The following WDR4 variants were observed in gnomAD, a reference collection of about 807,000 sequenced individuals.
WDR4 encodes the protein WDR4 tRNA N7-guanosine methyltransferase non-catalytic subunit, also known as tRNA (guanine-N(7)-)-methyltransferase non-catalytic subunit WDR4.
A neutral mutation model predicts 48.6 loss-of-function variants in WDR4; 47 were observed. The observed-to-expected ratio is 0.97, with a 90% CI of 0.77 to 1.23. The LOEUF is 1.23. Ranked by LOEUF, WDR4 falls within the 50% of genes most tolerant of loss-of-function variation. WDR4 has a pLI of 0.00. For missense variants in WDR4, 606 were observed against 551.6 expected, an observed-to-expected ratio of 1.10 and a Z score of -0.99; for synonymous variants, 268 against 230.0, an observed-to-expected ratio of 1.17 and a Z score of -1.49.
chr21:42,863,500 C>A lies in WDR4; in HGVS notation c.393G>T (p.Val131=). The A allele has an allele frequency of 6.2e-7, 1 of 1,614,084 alleles. No individual in the cohort carries two copies. The highest frequency in any genetic ancestry group is 2.2e-5 in the East Asian group (1 of 44,852). ...DKSGDVYSFS[V]LEPHGCGRLE... ...GACGGCCACACCCGTGTGGCTCCAG[C>A]ACCGAAAAGGAGTAGACGTCTCCAG... The change falls in exon 4 of 11, where the codon GTG becomes GTT. Residue 131 remains valine (V), a synonymous_variant. Coordinates refer to ENST00000398208, the MANE Select transcript of WDR4 (RefSeq NM_018669.6).
chr21:42,868,809 C>T (rs2058306965), intron 3 of WDR4, among the ~76,000 whole-genome samples: 1 of 152,240 alleles, frequency 6.6e-6, no homozygotes, highest in South Asian at 2.1e-4. Flanking sequence ...GAAGCTTCGC[C>T]GTGTCTGTTG....
chr21:42,872,931 C>G (rs1252883561), intron 3 of WDR4, among the ~76,000 whole-genome samples: 1 of 152,052 alleles, frequency 6.6e-6, no homozygotes, highest in Non-Finnish European at 1.5e-5. Context: ...AAGCAAAACT[C>G]CGTCTCAAAA....
the WDR4 span, among the ~76,000 whole-genome samples, chr21:42,892,221 G>A: frequency 1.6e-4 from 23 of 146,002 alleles, no homozygotes; most frequent in African/African-American, 5.9e-4. Flanking sequence ...GCCACTGCAC[G>A]CCAGCCTGGG....
At chr21:42,874,255 T>C (rs1219387585) in intron 2 of WDR4, among the ~76,000 whole-genome samples, 2 of 152,256 alleles carry the variant, frequency 1.3e-5, no homozygotes, top group African/African-American at 4.8e-5. Flanking sequence ...TAGACACTTA[T>C]CACTTCCCCA....
intron 8 of WDR4, among the ~76,000 whole-genome samples, 173 bp downstream of exon 8, chr21:42,854,389 A>AC (rs1226875677): frequency 1.3e-5 from 2 of 152,156 alleles, no homozygotes; most frequent in Non-Finnish European, 2.9e-5. Context: ...AGGAGCCCTC[A>AC]CCCTCATGCA....
At chr21:42,888,560 CAATA>C in the WDR4 span, among the ~76,000 whole-genome samples, 1 of 150,732 alleles carries the variant, frequency 6.6e-6, no homozygotes, top group Non-Finnish European at 1.5e-5. Flanking sequence ...ACCCTGTCTC[CAATA>C]AATAAATAAA....
In WDR4 at chr21:42,863,523, C is replaced by T; in HGVS notation, c.370G>A (p.Gly124Arg). ...AGCACCGAAAAGGAGTAGACGTCTC[C>T]AGACTTGTCGGCCACCAAGACCTTC... ...EEKVLVADKS[G>R]DVYSFSVLEP... The change falls in exon 4 of 11, where the codon GGA becomes AGA. Residue 124 changes from glycine (G) to arginine (R), a missense_variant. Coordinates refer to ENST00000398208, the MANE Select transcript of WDR4 (RefSeq NM_018669.6). 6.2e-7 allele frequency: 1 copy of T among 1,614,062 alleles called. No homozygotes were observed. The highest frequency in any genetic ancestry group is 8.5e-7 in the Non-Finnish European group (1 of 1,180,008).
upstream of WDR4, among the ~76,000 whole-genome samples, chr21:42,884,412 GC>G (rs2146131979): frequency 6.6e-6 from 1 of 152,088 alleles, no homozygotes; most frequent in African/African-American, 2.4e-5. Context: ...ACTTTGGGAG[GC>G]CGAGGTGGGT....
intron 10 of WDR4, among the ~76,000 whole-genome samples, 170 bp from the exon 11 acceptor site, chr21:42,850,412 AC>A (rs2057794742): frequency 6.6e-6 from 1 of 152,186 alleles, no homozygotes; most frequent in Admixed American, 6.5e-5. Flanking sequence ...CCTGGGACCC[AC>A]ACCCTGGCTG....
chr21:42,879,634 T>G, upstream of WDR4: 2 of 1,085,678 alleles, frequency 1.8e-6, no homozygotes, highest in Non-Finnish European at 2.6e-6. Context: ...CGAGCCTGCC[T>G]TGAGCATGCG....
chr21:42,879,430 G>C lies in WDR4; in HGVS notation c.66C>G (p.Phe22Leu). 5 of 1,613,828 alleles carry C rather than the reference G, an allele frequency of 3.1e-6. No individual in the cohort carries two copies. The African/African-American group carries it at 5.3e-5, about 17-fold the overall frequency. Reference protein sequence around the residue: ...QTLVVRGGSRFLATSIASSDD... With the variant: ...QTLVVRGGSRLLATSIASSDD... ...ACCTGCTTGCTATGGAGGTGGCCAG[G>C]AATCGGCTGCCGCCCCGCACCACCA... Residue 22 changes from phenylalanine to leucine, a missense_variant, in exon 1 of 11, where the codon TTC (phenylalanine) becomes TTG (leucine). Physicochemically the swap from Phe to Leu is conservative, Grantham distance 22. Transcript: ENST00000398208.
At chr21:42,853,788 T>C in intron 8 of WDR4, 36 bp from the exon 9 acceptor site, 1 of 1,532,572 alleles carries the variant, frequency 6.5e-7, no homozygotes, top group Non-Finnish European at 8.8e-7. Context: ...TTACTAGGAC[T>C]GCAGGCCCAC....
intron 9 of WDR4, 85 bp from the exon 10 acceptor site, chr21:42,852,409 A>C (rs2057857481): frequency 6.8e-7 from 1 of 1,472,946 alleles, no homozygotes; most frequent in Non-Finnish European, 9.3e-7. Context: ...CTGGCCAGAG[A>C]GGCTTGCAGG....
intron 3 of WDR4, among the ~76,000 whole-genome samples, chr21:42,866,012 C>A (rs79168930): frequency 2.0e-5 from 3 of 152,200 alleles, no homozygotes; most frequent in African/African-American, 7.2e-5. Flanking sequence ...CTCTCCACCC[C>A]CTGGGCAGAG....
Position 42,863,533 on chromosome 21 carries a change from G to A in WDR4, c.360C>T (p.Ala120=), listed in dbSNP as rs747965607. ...FIASEEKVLV[A]DKSGDVYSFS... ...AGGAGTAGACGTCTCCAGACTTGTC[G>A]GCCACCAAGACCTTCTCCTCCGAGG... The change falls in exon 4 of 11, where the codon GCC becomes GCT. Residue 120 remains alanine, a synonymous_variant. Coordinates refer to ENST00000398208, the MANE Select transcript of WDR4 (RefSeq NM_018669.6). 8.1e-6 allele frequency: 13 copies of A among 1,613,888 alleles called. No homozygotes were observed. The highest frequency in any genetic ancestry group is 6.7e-5 in the African/African-American group (5 of 74,948).
intron 6 of WDR4, among the ~76,000 whole-genome samples, chr21:42,859,145 C>T (rs535793785): frequency 5.3e-5 from 8 of 151,918 alleles, no homozygotes; most frequent in Non-Finnish European, 2.9e-5. Flanking sequence ...CGGGTGCGGG[C>T]GCTCGAGCCT....
Position 42,850,025 on chromosome 21 carries a change from G to T in WDR4, c.*24C>A. 1 of 1,606,530 alleles carries T rather than the reference G, an allele frequency of 6.2e-7. No individual in the cohort carries two copies. Among genetic ancestry groups the T allele is most frequent in the Non-Finnish European group, 8.5e-7 (1 of 1,178,204 alleles). On this transcript the variant is annotated 3_prime_UTR_variant, in exon 11 of 11. Transcript: ENST00000398208. The stretch of plus-strand genomic sequence containing the variant: ...TAAAAAGCTTTTCCTAATTTGAGGT[G>T]AGAGACACCACTGACCGCCACGATC...
downstream of WDR4, among the ~76,000 whole-genome samples, chr21:42,844,642 T>G (rs977707002): frequency 1.3e-5 from 2 of 152,056 alleles, no homozygotes; most frequent in Non-Finnish European, 2.9e-5. Flanking sequence ...GGTGGTGCAG[T>G]TGGCCAAGGT....
chr21:42,852,455 ACCTTCT>A, intron 9 of WDR4, 131 bp from the exon 10 acceptor site: 1 of 1,007,712 alleles, frequency 9.9e-7, no homozygotes, highest in African/African-American at 1.6e-5. Flanking sequence ...ACCCCCATTC[ACCTTCT>A]GTGGAGACCT....
Sources: allele counts gnomAD v4.1 joint callset (sites outside exome capture counted in the v4.1 genomes callset), GRCh38; gene constraint gnomAD v4.1.1; transcripts MANE v1.5; gene names NCBI Gene and HGNC (gene_info 2026-07-23, HGNC 2026-07-21).